Variants in EVI5 observed in about 807,000 individuals in gnomAD.
The protein encoded by EVI5 is ecotropic viral integration site 5.
In EVI5, 73 loss-of-function variants were observed where a neutral mutation model predicts 112.0. The ratio of observed to expected loss-of-function variants is 0.65; its 90% CI spans 0.54 to 0.79. The LOEUF is 0.79. EVI5 is among the 30% of genes least tolerant of loss of function. The pLI is 0.00. For synonymous variants in EVI5, 305 were observed against 319.9 expected (o/e 0.95, Z 0.50); for missense variants, 900 against 968.8 (o/e 0.93, Z 0.94).
intron 19 of EVI5, among the ~76,000 whole-genome samples, chr1:92,542,970 G>A (rs1665074228): frequency 6.6e-6 from 1 of 152,150 alleles, no homozygotes; most frequent in African/African-American, 2.4e-5. Context: ...CAGAGCACAG[G>A]CAAAGTAGAT....
At chr1:92,665,158 T>C (rs965444905) in intron 11 of EVI5, among the ~76,000 whole-genome samples, 5 of 152,068 alleles carry the variant, frequency 3.3e-5, no homozygotes, top group Non-Finnish European at 7.4e-5. Flanking sequence ...TGAGCCAAGA[T>C]TGAGCCACTG....
chr1:92,711,529 G>A (rs1186193780), intron 2 of EVI5, among the ~76,000 whole-genome samples: 2 of 152,096 alleles, frequency 1.3e-5, no homozygotes, highest in Non-Finnish European at 1.5e-5. Context: ...ACTTACAAGT[G>A]CAGTAGTCCC....
chr1:92,791,106 A>G (rs1049461707), intron 1 of EVI5, among the ~76,000 whole-genome samples: 1 of 152,240 alleles, frequency 6.6e-6, no homozygotes, highest in African/African-American at 2.4e-5. Flanking sequence ...TTGAGTCACC[A>G]GAATGGGACA....
intron 19 of EVI5, among the ~76,000 whole-genome samples, chr1:92,526,724 G>A (rs1363877690): frequency 6.8e-6 from 1 of 146,330 alleles, no homozygotes; most frequent in African/African-American, 2.8e-5. Flanking sequence ...GTGGAACACA[G>A]GGGATTGTTA....
intron 10 of EVI5, among the ~76,000 whole-genome samples, chr1:92,668,591 T>G (rs1195323638): frequency 6.6e-6 from 1 of 152,192 alleles, no homozygotes; most frequent in East Asian, 1.9e-4. Flanking sequence ...CCAACCCCTT[T>G]TACGGCTTCT....
intron 2 of EVI5, among the ~76,000 whole-genome samples, chr1:92,725,540 C>G (rs922130596): frequency 1.3e-5 from 2 of 151,912 alleles, no homozygotes; most frequent in South Asian, 4.1e-4. Flanking sequence ...CTGAATAACA[C>G]GGTGAAACCC....
chr1:92,604,784 G>C (rs774107985), intron 18 of EVI5, among the ~76,000 whole-genome samples: 2 of 152,122 alleles, frequency 1.3e-5, no homozygotes, highest in African/African-American at 2.4e-5. Flanking sequence ...GTAATGTGTT[G>C]CACTATAACA....
At chr1:92,572,720 A>G (rs1215568044) in intron 18 of EVI5, among the ~76,000 whole-genome samples, 1 of 132,384 alleles carries the variant, frequency 7.6e-6, no homozygotes, top group Non-Finnish European at 1.6e-5. Flanking sequence ...CAGGATAACC[A>G]TATCTGTTTT....
chr1:92,569,200 G>A (rs931132314), intron 18 of EVI5, among the ~76,000 whole-genome samples: 23 of 152,162 alleles, frequency 1.5e-4, no homozygotes, highest in African/African-American at 5.1e-4. Flanking sequence ...ATGAGGAAAC[G>A]TAAATGAAAG....
At chr1:92,628,410 G>A (rs1480743950) in intron 14 of EVI5, among the ~76,000 whole-genome samples, 5 of 152,298 alleles carry the variant, frequency 3.3e-5, no homozygotes, top group South Asian at 4.1e-4. Context: ...CTAAGCAAAC[G>A]TCTAGAAGGG....
At chr1:92,769,854 T>C (rs1227115496) in intron 1 of EVI5, among the ~76,000 whole-genome samples, 3 of 152,076 alleles carry the variant, frequency 2.0e-5, no homozygotes, top group Non-Finnish European at 4.4e-5. Flanking sequence ...ACCACTGCAC[T>C]CCAGCCTGGG....
intron 2 of EVI5, among the ~76,000 whole-genome samples, chr1:92,722,472 C>A (rs1238370282): frequency 3.7e-5 from 5 of 133,992 alleles, no homozygotes; most frequent in African/African-American, 1.4e-4. Flanking sequence ...CCCCTCCCCC[C>A]ACCCCACAAC....
At chr1:92,666,621 G>A (rs1159722422) in intron 10 of EVI5, among the ~76,000 whole-genome samples, 1 of 136,396 alleles carries the variant, frequency 7.3e-6, no homozygotes, top group African/African-American at 2.7e-5. Context: ...GGGAGGGGTT[G>A]GGAGGGGAGG....
chr1:92,713,812 A>C (rs539890738), intron 2 of EVI5, among the ~76,000 whole-genome samples: 1 of 152,248 alleles, frequency 6.6e-6, no homozygotes, highest in Non-Finnish European at 1.5e-5. Context: ...CTTCATTCTC[A>C]TATCTCAGCC....
intron 2 of EVI5, among the ~76,000 whole-genome samples, chr1:92,723,990 A>G (rs1283537115): frequency 1.3e-5 from 2 of 152,182 alleles, no homozygotes; most frequent in Admixed American, 1.3e-4. Flanking sequence ...GTTAAATTCT[A>G]GTCAGACTGG....
Position 92,674,751 on chromosome 1 carries a change from GTA to G in EVI5, c.1158+2405_1158+2406del, listed in dbSNP as rs1308305986. On this transcript the variant is annotated intron_variant, in intron 10 of 19. Coordinates refer to ENST00000684568, the MANE Select transcript of EVI5 (RefSeq NM_001350197.2). ...CCCCTAAATATGAAGTTTAAAAAAA[GTA>G]TAGTCATTCAAAAGTTGTTTTGGTT... Among the ~76,000 whole-genome samples the G allele has an allele frequency of 4.6e-5, 7 of 151,236 alleles. No homozygotes were observed. The East Asian group carries it at 1.4e-3, about 29-fold the overall frequency.
At chr1:92,791,916 T>G (rs937380584) in intron 1 of EVI5, among the ~76,000 whole-genome samples, 1 of 152,204 alleles carries the variant, frequency 6.6e-6, no homozygotes, top group African/African-American at 2.4e-5. Context: ...CAAATAGAGT[T>G]TGTGAACAAA....
At chr1:92,770,529 G>C (rs1001503426) in intron 1 of EVI5, among the ~76,000 whole-genome samples, 1 of 152,138 alleles carries the variant, frequency 6.6e-6, no homozygotes, top group Non-Finnish European at 1.5e-5. Flanking sequence ...GGTGGCTCAC[G>C]CCTGTAATCC....
chr1:92,510,062 C>G lies in EVI5; in HGVS notation c.*3594G>C, dbSNP rs201237449. Reference sequence around the variant, plus strand: ...AAGGCCTGGGAGATTTTAAACTCTTCTAAGGTGTATTTGAATCAGATCTTC... The same window carrying G: ...AAGGCCTGGGAGATTTTAAACTCTTGTAAGGTGTATTTGAATCAGATCTTC... On this transcript the variant is annotated 3_prime_UTR_variant, in exon 20 of 20. Transcript: ENST00000684568. 2 of 152,160 alleles carry G rather than the reference C, an allele frequency of 1.3e-5. No individual in the cohort carries two copies. The highest frequency in any genetic ancestry group is 2.9e-5 in the Non-Finnish European group (2 of 68,020). The allele number at this position is 152,160 out of a possible 1,614,324, so 9.4% of individuals were successfully genotyped here.
Sources: gnomAD v4.1 joint callset for allele counts (sites outside exome capture counted in the v4.1 genomes callset) on GRCh38, gnomAD v4.1.1 for gene constraint, MANE v1.5 for transcripts, NCBI Gene and HGNC (gene_info 2026-07-23, HGNC 2026-07-21) for gene names.